Variants in MED12L observed in about 807,000 individuals in gnomAD.
The protein encoded by MED12L is mediator complex subunit 12L.
Under a neutral mutation model 281.3 loss-of-function variants are expected in MED12L, and 60 were observed. The ratio of observed to expected loss-of-function variants is 0.21; its 90% confidence interval spans 0.17 to 0.26. MED12L has a LOEUF of 0.26. Among genes scored for constraint, MED12L ranks in the 10% least tolerant of loss-of-function variants. The pLI is 1.00. For synonymous variants in MED12L, 974 were observed against 987.2 expected, an observed-to-expected ratio of 0.99 and a Z score of 0.25; for missense variants, 2,146 against 2,680.9, an observed-to-expected ratio of 0.80 and a Z score of 4.41.
chr3:151,247,326 T>C (rs1349495812), intron 16 of MED12L, among the ~76,000 whole-genome samples: 2 of 152,040 alleles, frequency 1.3e-5, no homozygotes, highest in African/African-American at 4.8e-5. Context: ...ATGTTTATTG[T>C]GGCATTATTC....
chr3:151,105,811 C>T (rs1721944131), intron 2 of MED12L, among the ~76,000 whole-genome samples: 1 of 152,184 alleles, frequency 6.6e-6, no homozygotes, highest in Non-Finnish European at 1.5e-5. Context: ...CTACTAGAAA[C>T]ATTTTCTCTG....
At chr3:151,253,141 G>A (rs1559942196) in intron 16 of MED12L, among the ~76,000 whole-genome samples, 1 of 152,120 alleles carries the variant, frequency 6.6e-6, no homozygotes. Context: ...AAGGACTTCT[G>A]GAGATCTGGG....
chr3:151,217,820 A>G (rs1238862278), intron 16 of MED12L, among the ~76,000 whole-genome samples: 1 of 152,178 alleles, frequency 6.6e-6, no homozygotes, highest in Non-Finnish European at 1.5e-5. Context: ...TGGTGAGAAC[A>G]TACTGTCTTA....
At chr3:151,139,238 G>T (rs1309203946) in intron 5 of MED12L, among the ~76,000 whole-genome samples, 2 of 152,126 alleles carry the variant, frequency 1.3e-5, no homozygotes, top group Non-Finnish European at 2.9e-5. Context: ...ACTAGAAGGT[G>T]CATTCCATGT....
chr3:151,372,656 G>T lies in MED12L; in HGVS notation c.3754G>T (p.Asp1252Tyr). Residue 1252 changes from aspartate (D) to tyrosine (Y), a missense_variant, in exon 27 of 45, where the codon GAT becomes TAT. Asp to Tyr is a radical substitution (Grantham distance 160). Coordinates refer to ENST00000687756, the MANE Select transcript of MED12L (RefSeq NM_001393769.1). ...RGLRCDGNAD[D>Y]IWTASQNPKS... ...TTTGCGATGTGATGGGAATGCTGAT[G>T]ATATCTGGACTGCCTCACAAAATCC... 1 of 1,613,848 alleles carries T rather than the reference G, an allele frequency of 6.2e-7. No individual in the cohort carries two copies.
At chr3:151,222,410 C>T (rs1174963578) in intron 16 of MED12L, among the ~76,000 whole-genome samples, 1 of 152,182 alleles carries the variant, frequency 6.6e-6, no homozygotes, top group East Asian at 1.9e-4. Context: ...CCACCCAAAT[C>T]TCATCTTGTG....
At chr3:151,293,944 T>C (rs1744683178) in intron 16 of MED12L, 1 of 518,086 alleles carries the variant, frequency 1.9e-6, no homozygotes, top group African/African-American at 1.9e-5. Context: ...GCCCTTTCAC[T>C]CTGCTCCTCA....
chr3:151,163,856 T>G, intron 8 of MED12L, 37 bp from the exon 9 acceptor site: 1 of 1,594,956 alleles, frequency 6.3e-7, no homozygotes, highest in Non-Finnish European at 8.6e-7. Flanking sequence ...CTTTTCTCCT[T>G]CCTCTGAACA....
chr3:151,396,265 T>C (rs1019984386), intron 39 of MED12L, among the ~76,000 whole-genome samples: 2 of 152,226 alleles, frequency 1.3e-5, no homozygotes, highest in African/African-American at 2.4e-5. Flanking sequence ...AAATCATTTT[T>C]GAGTTAAAAA....
chr3:151,319,099 A>G (rs1048288873), intron 16 of MED12L, among the ~76,000 whole-genome samples: 25 of 152,276 alleles, frequency 1.6e-4, no homozygotes, highest in African/African-American at 5.5e-4. Context: ...GTCTTAAAGT[A>G]TATTATGCCA....
intron 2 of MED12L, among the ~76,000 whole-genome samples, chr3:151,102,789 ATT>A (rs1488796216): frequency 6.6e-6 from 1 of 152,126 alleles, no homozygotes; most frequent in African/African-American, 2.4e-5. Context: ...TTTTTCATGA[ATT>A]TGCAATACAT....
chr3:151,137,173 A>ACAAAAAAACAAAAAAAAAAG (rs1491412838), intron 5 of MED12L, among the ~76,000 whole-genome samples: 109 of 60,394 alleles, frequency 1.8e-3, no homozygotes, highest in African/African-American at 7.4e-3. Context: ...AAAAAAAAAG[A>ACAAAAAAACAAAAAAAAAAG]AAAAAAAAAA....
At chr3:151,184,372 G>A (rs571865714) in intron 11 of MED12L, among the ~76,000 whole-genome samples, 6 of 152,148 alleles carry the variant, frequency 3.9e-5, no homozygotes, top group Non-Finnish European at 5.9e-5. Context: ...TAGCCATATC[G>A]TAATCTTAAT....
At chr3:151,427,384 C>T (rs970450747) in intron 43 of MED12L, among the ~76,000 whole-genome samples, 4 of 152,156 alleles carry the variant, frequency 2.6e-5, no homozygotes, top group East Asian at 1.9e-4. Context: ...TTAAGCCACC[C>T]TCACACCACC....
At chr3:151,245,875 C>T (rs1735333905) in intron 16 of MED12L, among the ~76,000 whole-genome samples, 3 of 151,622 alleles carry the variant, frequency 2.0e-5, no homozygotes, top group East Asian at 1.9e-4. Flanking sequence ...AAAACCCCAT[C>T]GTTTCAGCCC....
At chr3:151,236,479 C>T (rs1281076262) in intron 16 of MED12L, among the ~76,000 whole-genome samples, 1 of 152,150 alleles carries the variant, frequency 6.6e-6, no homozygotes, top group Non-Finnish European at 1.5e-5. Context: ...TGTTAATAAT[C>T]TCCTTCAGAC....
intron 11 of MED12L, among the ~76,000 whole-genome samples, chr3:151,173,497 A>G (rs1721677973): frequency 1.3e-5 from 2 of 152,242 alleles, no homozygotes. Context: ...TTTCACCAAC[A>G]ATTTCCAAAT....
chr3:151,313,677 C>G (rs1021949876), intron 16 of MED12L, among the ~76,000 whole-genome samples: 3 of 152,108 alleles, frequency 2.0e-5, no homozygotes, highest in African/African-American at 7.2e-5. Context: ...AACCCCGTCT[C>G]TACTAAAAAT....
At chr3:151,116,997 A>G (rs6773020) in intron 3 of MED12L, among the ~76,000 whole-genome samples, 14,662 of 152,244 alleles carry the variant, frequency 0.096, 960 homozygotes, top group Middle Eastern at 0.17. Context: ...CCTATTCTTC[A>G]GTAAAAGTTC....
Sources: gnomAD v4.1 joint callset for allele counts (sites outside exome capture counted in the v4.1 genomes callset) on GRCh38, gnomAD v4.1.1 for gene constraint, MANE v1.5 for transcripts, NCBI Gene and HGNC (gene_info 2026-07-23, HGNC 2026-07-21) for gene names.